MMEL1: variants seen among roughly 807,000 people sequenced by gnomAD.
The protein encoded by MMEL1 is membrane metallo-endopeptidase-like 1.
Under a neutral mutation model 117.1 loss-of-function variants are expected in MMEL1, and 98 were observed. That is an observed-to-expected ratio of 0.84 (90% CI 0.71 to 0.99). The LOEUF (loss-of-function observed/expected upper bound fraction) is 0.99. Ranked by LOEUF, MMEL1 falls within the 50% of genes least tolerant of loss-of-function variation. The probability of loss-of-function intolerance (pLI) is 0.00; values close to 1 mark genes in which losing one functional copy is unlikely to be tolerated. For missense variants in MMEL1, 1,014 were observed against 1,049.1 expected, an observed-to-expected ratio of 0.97 and a Z score of 0.46; for synonymous variants, 390 against 415.1, an observed-to-expected ratio of 0.94 and a Z score of 0.74.
chr1:2,604,122 T>TACC, intron 10 of MMEL1, 25 bp downstream of exon 10: 1,365 of 1,356,700 alleles, frequency 1.0e-3, no homozygotes, highest in Non-Finnish European at 1.3e-3. Flanking sequence ...CGCTGCCCGC[T>TACC]CCCCACCCGC....
rs2100920186 is a variant in MMEL1, at chr1:2,591,178, A to G, written c.2241-89T>C. 4.6e-6 allele frequency: 4 copies of G among 877,258 alleles called. No homozygotes were observed. In the Middle Eastern group the frequency reaches 7.0e-4, roughly 153 times the overall value. 54.3% of individuals were successfully genotyped at this position (877,258 alleles called of 1,614,324 possible). ...TTCTCCGTGATTAAAAACCAGCCCA[A>G]AACATCAGCCTAATGGCTCATGTCA... On this transcript the variant is annotated intron_variant, in intron 23 of 23. Coordinates refer to ENST00000378412, the MANE Select transcript of MMEL1 (RefSeq NM_033467.4).
intron 11 of MMEL1, among the ~76,000 whole-genome samples, chr1:2,601,319 G>A (rs535057615): frequency 8.5e-5 from 13 of 152,232 alleles, no homozygotes; most frequent in African/African-American, 3.1e-4. Flanking sequence ...AGACACACAG[G>A]AACACCTGAT....
At chr1:2,629,806 A>T in intron 1 of MMEL1, 1 of 252,670 alleles carries the variant, frequency 4.0e-6, no homozygotes, top group Non-Finnish European at 7.3e-6. Context: ...CTGTCAAGGG[A>T]CTCCTGTAGT....
At chr1:2,630,486 A>ACGTGTGTGCGTGTGCTCT (rs1006875710) in intron 1 of MMEL1, among the ~76,000 whole-genome samples, 1 of 148,006 alleles carries the variant, frequency 6.8e-6, no homozygotes, top group African/African-American at 2.6e-5. Flanking sequence ...GTGTGTGTGC[A>ACGTGTGTGCGTGTGCTCT]CGTGTGTGCG....
intron 4 of MMEL1, 42 bp downstream of exon 4, chr1:2,611,239 A>G: frequency 1.3e-6 from 2 of 1,544,254 alleles, no homozygotes; most frequent in South Asian, 1.2e-5. Flanking sequence ...GGGAGCCCCC[A>G]GCCCTTGGGC....
chr1:2,598,123 C>T (rs760284994), intron 13 of MMEL1, 84 bp downstream of exon 13: 90 of 1,304,702 alleles, frequency 6.9e-5, no homozygotes, highest in East Asian at 6.7e-4. Flanking sequence ...GTGTGGACCT[C>T]GGTGTTTGCC....
chr1:2,592,769 T>C (rs957805485), intron 20 of MMEL1, 49 bp from the exon 21 acceptor site: 2 of 1,609,646 alleles, frequency 1.2e-6, no homozygotes, highest in Non-Finnish European at 1.7e-6. Context: ...GACTTCCCTC[T>C]CCCTCAGGGC....
Position 2,593,910 on chromosome 1 carries a change from G to A in MMEL1, c.1771C>T (p.Pro591Ser). 3 of 1,610,758 alleles carry A rather than the reference G, an allele frequency of 1.9e-6. No individual in the cohort carries two copies. The highest frequency in any genetic ancestry group is 2.7e-5 in the African/African-American group (2 of 74,908). The stretch of plus-strand genomic sequence containing the variant: ...GGCTGCTCCTTGCTGAAGAAGGGGG[G>A]CTGGAGGATCCCGGCAGGGAATACT... Reference protein sequence around the residue: ...QIVFPAGILQPPFFSKEQPQA... With the variant: ...QIVFPAGILQSPFFSKEQPQA... The change falls in exon 19 of 24, where the codon CCC becomes TCC. Residue 591 changes from proline (P) to serine (S), a missense_variant. Transcript: ENST00000378412.
chr1:2,594,325 G>A, intron 18 of MMEL1, 60 bp downstream of exon 18: 2 of 1,516,284 alleles, frequency 1.3e-6, no homozygotes, highest in Non-Finnish European at 1.8e-6. Flanking sequence ...GGGGCTGCAA[G>A]CCACCCCTTC....
chr1:2,629,703 CT>C, intron 1 of MMEL1, 182 bp from the exon 2 acceptor site: 1 of 534,230 alleles, frequency 1.9e-6, no homozygotes, highest in Non-Finnish European at 3.2e-6. Context: ...CACACTACCC[CT>C]GGGCCGGAAT....
chr1:2,600,219 C>T (rs1040803051), intron 11 of MMEL1, among the ~76,000 whole-genome samples: 38 of 152,044 alleles, frequency 2.5e-4, no homozygotes, highest in Non-Finnish European at 4.3e-4. Context: ...CCACCTGCCT[C>T]GGCCTCCCAA....
Position 2,595,163 on chromosome 1 carries a change from C to T in MMEL1, c.1584+113G>A. On this transcript the variant is annotated intron_variant, in intron 16 of 23. Coordinates refer to ENST00000378412, the MANE Select transcript of MMEL1 (RefSeq NM_033467.4). The surrounding 1 kb of genome is among the most constrained non-coding windows in gnomAD (Gnocchi z 4.8). Reference sequence around the variant, plus strand: ...CCACCCTAGGGCACGGTGAGGACAGCTGTGTTAGCGCCTGGGAGGAGGGCA... The same window carrying T: ...CCACCCTAGGGCACGGTGAGGACAGTTGTGTTAGCGCCTGGGAGGAGGGCA... The T allele has an allele frequency of 1.0e-6, 1 of 959,950 alleles. No homozygotes were observed. The highest frequency in any genetic ancestry group is 1.6e-6 in the Non-Finnish European group (1 of 625,018). 59.5% of individuals were successfully genotyped at this position (959,950 alleles called of 1,614,324 possible).
chr1:2,632,389 T>C (rs1390963237), intron 1 of MMEL1, among the ~76,000 whole-genome samples: 1 of 152,236 alleles, frequency 6.6e-6, no homozygotes, highest in Non-Finnish European at 1.5e-5. Context: ...GAATGAATGA[T>C]GAATGAATGG....
intron 23 of MMEL1, 65 bp downstream of exon 23, chr1:2,591,492 A>C (rs1644706248): frequency 7.7e-7 from 1 of 1,307,020 alleles, no homozygotes; most frequent in Admixed American, 1.7e-5. Context: ...CTTCTTTTAC[A>C]GGCCACTGGG....
rs760864419 is a variant in MMEL1 at position 2,598,269 on chromosome 1, C to G, written c.1210G>C (p.Val404Leu). ...TIQNYLVWRL[V>L]LDRIGSLSQR... ...CTTAGGCTACCAATGCGGTCCAGCA[C>G]CAGGCGCCAGACCAGGTAGTTCTGT... Residue 404 changes from valine to leucine, a missense_variant, in exon 13 of 24, where the codon GTG becomes CTG. By Grantham distance (32) the Val-to-Leu change is conservative (BLOSUM62 1). Coordinates refer to ENST00000378412, the MANE Select transcript of MMEL1 (RefSeq NM_033467.4). The G allele has an allele frequency of 6.2e-7, 1 of 1,614,098 alleles. No individual in the cohort carries two copies. The highest frequency in any genetic ancestry group is 2.2e-5 in the East Asian group (1 of 44,880).
chr1:2,616,909 T>C (rs953743734), intron 2 of MMEL1, among the ~76,000 whole-genome samples: 1 of 152,208 alleles, frequency 6.6e-6, no homozygotes. Context: ...CCAAGGAAAT[T>C]CACCAGATGC....
chr1:2,600,873 A>C (rs539679851), intron 11 of MMEL1, among the ~76,000 whole-genome samples: 1 of 152,388 alleles, frequency 6.6e-6, no homozygotes, highest in South Asian at 2.1e-4. Flanking sequence ...TTTATAGTAG[A>C]AAACCAAACA....
In MMEL1 at chr1:2,596,698, G is replaced by A; in HGVS notation, c.1273-9C>T. The A allele has an allele frequency of 1.2e-6, 2 of 1,610,676 alleles. No homozygotes were observed. The highest frequency in any genetic ancestry group is 1.7e-6 in the Non-Finnish European group (2 of 1,179,540). ...ATTGTGCCAAACAGCGCCTGGTGGGGCCACCCGATCATCCCACGGGCCCCC... is the reference window on the plus strand; with the variant it reads ...ATTGTGCCAAACAGCGCCTGGTGGGACCACCCGATCATCCCACGGGCCCCC... On this transcript the variant is annotated splice_polypyrimidine_tract_variant and intron_variant, in intron 13 of 23. Coordinates refer to ENST00000378412, the MANE Select transcript of MMEL1 (RefSeq NM_033467.4).
At chr1:2,598,820 G>GGAGA in intron 11 of MMEL1, 30 bp from the exon 12 acceptor site, 1 of 1,575,758 alleles carries the variant, frequency 6.3e-7, no homozygotes, top group Admixed American at 1.7e-5. Flanking sequence ...GGAGAAAGAG[G>GGAGA]GAGAGAGAGA....
Sources: allele counts gnomAD v4.1 joint callset (sites outside exome capture counted in the v4.1 genomes callset), GRCh38; gene constraint gnomAD v4.1.1; non-coding constraint Gnocchi (gnomAD v3.1); transcripts MANE v1.5; gene names NCBI Gene and HGNC (gene_info 2026-07-23, HGNC 2026-07-21).